Variants in THSD7A observed in about 807,000 individuals in gnomAD.
THSD7A encodes thrombospondin type 1 domain containing 7A.
In THSD7A, 96 loss-of-function variants were observed where a neutral mutation model predicts 231.3. The ratio of observed to expected loss-of-function variants is 0.41; its 90% confidence interval spans 0.35 to 0.49. The LOEUF (loss-of-function observed/expected upper bound fraction) is 0.49. Ranked by LOEUF, THSD7A falls within the 20% of genes least tolerant of loss-of-function variation. The pLI, the probability that THSD7A is intolerant of heterozygous loss-of-function variation, is 0.05. For synonymous variants in THSD7A, 940 were observed against 743.3 expected (o/e 1.26, Z -4.30); for missense variants, 2,290 against 2,070.2 (o/e 1.11, Z -2.06).
chr7:11,653,477 TGTGTGTGTGTG>T (rs1159627214), intron 1 of THSD7A, among the ~76,000 whole-genome samples: 1 of 150,450 alleles, frequency 6.6e-6, no homozygotes, highest in Non-Finnish European at 1.5e-5. Context: ...TGTGTGTGTG[TGTGTGTGTGTG>T]TGTGTGTGTT....
chr7:11,550,449 C>G (rs528224422), intron 4 of THSD7A, among the ~76,000 whole-genome samples: 3 of 152,250 alleles, frequency 2.0e-5, no homozygotes, highest in African/African-American at 7.2e-5. Flanking sequence ...AAGGGAGGGA[C>G]CTGGCAGGAG....
At chr7:11,492,807 C>G (rs1023687064) in intron 6 of THSD7A, among the ~76,000 whole-genome samples, 1 of 151,880 alleles carries the variant, frequency 6.6e-6, no homozygotes, top group Admixed American at 6.6e-5. Flanking sequence ...CCACTCTATC[C>G]TCTATGAACC....
At chr7:11,522,320 G>A (rs143984940) in intron 6 of THSD7A, among the ~76,000 whole-genome samples, 175 of 152,274 alleles carry the variant, frequency 1.1e-3, no homozygotes, top group African/African-American at 4.1e-3. Context: ...TGCAATTGAA[G>A]TAGGTAACTT....
chr7:11,547,905 A>C lies in THSD7A; in HGVS notation c.1454-4788T>G, dbSNP rs576569337. Among the ~76,000 whole-genome samples the C allele has an allele frequency of 3.3e-5, 5 of 152,300 alleles. No homozygotes were observed. The South Asian group carries it at 8.3e-4, about 25-fold the overall frequency. Reference sequence around the variant, plus strand: ...CAATACTAAATGCTCACATCAAAAAATTAGAAAATTCTCAAATTAACAACA... The same window carrying C: ...CAATACTAAATGCTCACATCAAAAACTTAGAAAATTCTCAAATTAACAACA... On this transcript the variant is annotated intron_variant, in intron 4 of 27. Transcript: ENST00000423059.
intron 4 of THSD7A, among the ~76,000 whole-genome samples, chr7:11,575,607 G>A (rs1283609633): frequency 6.6e-6 from 1 of 152,146 alleles, no homozygotes; most frequent in Non-Finnish European, 1.5e-5. Flanking sequence ...TGTGTCAGGG[G>A]ATATAACGGA....
intron 5 of THSD7A, among the ~76,000 whole-genome samples, chr7:11,541,936 G>C (rs974443038): frequency 1.1e-5 from 1 of 92,380 alleles, no homozygotes; most frequent in Non-Finnish European, 2.4e-5. Flanking sequence ...GAGGAGTAGG[G>C]TGGGAACAGA....
At position 11,660,084 on chromosome 7, in the gene THSD7A, G is replaced by A. The variant is rs144553682; in HGVS notation, c.191-23123C>T. ...ATAAAAAAGATATTTATGTCAAGAT[G>A]AATGGAAACACATATGCTTCTAGAT... On this transcript the variant is annotated intron_variant, in intron 1 of 27. Coordinates refer to ENST00000423059, the MANE Select transcript of THSD7A (RefSeq NM_015204.3). Among the ~76,000 whole-genome samples the A allele has an allele frequency of 4.2e-3, 640 of 151,662 alleles. 3 individuals are homozygous for A. The highest frequency in any genetic ancestry group is 6.3e-3 in the Non-Finnish European group (429 of 67,652).
intron 23 of THSD7A, among the ~76,000 whole-genome samples, chr7:11,394,770 C>T (rs570990233): frequency 6.6e-5 from 10 of 152,262 alleles, no homozygotes; most frequent in South Asian, 2.1e-4. Context: ...GCCAGGCAGA[C>T]GCCTAGCTGC....
At chr7:11,530,507 A>G (rs1395535503) in intron 6 of THSD7A, among the ~76,000 whole-genome samples, 2 of 152,228 alleles carry the variant, frequency 1.3e-5, no homozygotes, top group Admixed American at 6.5e-5. Flanking sequence ...TAATTACGAC[A>G]TGATACCTAC....
chr7:11,383,735 C>A (rs995054024), intron 23 of THSD7A: 1 of 151,938 alleles, frequency 6.6e-6, no homozygotes, highest in Non-Finnish European at 1.5e-5. Flanking sequence ...TTTGGATCTC[C>A]TGGTATGCAA....
At chr7:11,750,319 A>G (rs1468806573) in intron 1 of THSD7A, among the ~76,000 whole-genome samples, 3 of 151,980 alleles carry the variant, frequency 2.0e-5, no homozygotes, top group Non-Finnish European at 4.4e-5. Flanking sequence ...GGTGCGTAGT[A>G]CAAATCAGGA....
At chr7:11,606,728 A>T (rs992646147) in intron 2 of THSD7A, among the ~76,000 whole-genome samples, 7 of 152,116 alleles carry the variant, frequency 4.6e-5, no homozygotes, top group Non-Finnish European at 1.0e-4. Flanking sequence ...CAATATTTGT[A>T]ATGTGAACAA....
At chr7:11,527,878 G>A (rs924108765) in intron 6 of THSD7A, among the ~76,000 whole-genome samples, 1 of 152,134 alleles carries the variant, frequency 6.6e-6, no homozygotes, top group African/African-American at 2.4e-5. Flanking sequence ...TTCAGGCTCG[G>A]CATGGTGGCT....
chr7:11,830,638 C>T (rs1366000863), intron 1 of THSD7A, among the ~76,000 whole-genome samples: 1 of 152,130 alleles, frequency 6.6e-6, no homozygotes, highest in Non-Finnish European at 1.5e-5. Context: ...GTTTAATCTC[C>T]TCACTAAATT....
At chr7:11,476,064 C>G (rs148940473) in intron 7 of THSD7A, among the ~76,000 whole-genome samples, 1 of 149,082 alleles carries the variant, frequency 6.7e-6, no homozygotes, top group African/African-American at 2.5e-5. Flanking sequence ...TTAGGATCTA[C>G]AATACAGGTT....
intron 9 of THSD7A, among the ~76,000 whole-genome samples, chr7:11,463,690 G>A (rs977563620): frequency 1.3e-5 from 2 of 152,146 alleles, no homozygotes; most frequent in Admixed American, 6.6e-5. Context: ...GTATTGGGCA[G>A]CAGAGAATTA....
chr7:11,727,650 A>C (rs1781593792), intron 1 of THSD7A, among the ~76,000 whole-genome samples: 1 of 152,032 alleles, frequency 6.6e-6, no homozygotes, highest in South Asian at 2.1e-4. Context: ...GAAAAACATA[A>C]AATTGTTCAA....
intron 23 of THSD7A, among the ~76,000 whole-genome samples, chr7:11,389,471 T>C (rs1337706413): frequency 1.6e-5 from 2 of 124,224 alleles, no homozygotes; most frequent in Non-Finnish European, 3.3e-5. Context: ...GCTATTTGCT[T>C]GGTAAATATC....
chr7:11,462,782 T>A (rs1423047165), intron 9 of THSD7A, among the ~76,000 whole-genome samples: 1 of 152,078 alleles, frequency 6.6e-6, no homozygotes, highest in East Asian at 1.9e-4. Flanking sequence ...AAAATAGCAA[T>A]AATTACTATA....
Sources: allele counts gnomAD v4.1 joint callset (sites outside exome capture counted in the v4.1 genomes callset), GRCh38; gene constraint gnomAD v4.1.1; transcripts MANE v1.5; gene names NCBI Gene and HGNC (gene_info 2026-07-23, HGNC 2026-07-21).